DLG4: variants seen among roughly 807,000 people sequenced by gnomAD.
DLG4 encodes discs large MAGUK scaffold protein 4.
In DLG4, 7 loss-of-function variants were observed where a neutral mutation model predicts 93.8. The ratio of observed to expected loss-of-function variants is 0.07; its 90% CI spans 0.04 to 0.14. The LOEUF (loss-of-function observed/expected upper bound fraction) is 0.14. DLG4 is among the 10% of genes least tolerant of loss of function. The pLI is 1.00. For synonymous variants in DLG4, 341 were observed against 387.6 expected (o/e 0.88, Z 1.41); for missense variants, 545 against 992.9 (o/e 0.55, Z 6.06).
At chr17:7,215,525 G>A (rs1045417738) in intron 1 of DLG4, among the ~76,000 whole-genome samples, 1 of 152,204 alleles carries the variant, frequency 6.6e-6, no homozygotes, top group African/African-American at 2.4e-5. Context: ...CTAAGGGCAG[G>A]AGACAGCGGG....
intron 1 of DLG4, among the ~76,000 whole-genome samples, chr17:7,210,513 TGA>T (rs2070664919): frequency 6.6e-6 from 1 of 152,176 alleles, no homozygotes; most frequent in African/African-American, 2.4e-5. Context: ...CCTCCAAGGC[TGA>T]GCTGTCTTGA....
chr17:7,209,433 T>C (rs2070622811), intron 1 of DLG4, among the ~76,000 whole-genome samples: 1 of 151,870 alleles, frequency 6.6e-6, no homozygotes, highest in Non-Finnish European at 1.5e-5. Flanking sequence ...GAAGGTATCA[T>C]ACGCAGGGAT....
At chr17:7,218,404 A>T, upstream of DLG4, 4 of 1,383,820 alleles carry the variant, frequency 2.9e-6, no homozygotes, top group Admixed American at 2.0e-5. Flanking sequence ...GCTGGTCCAC[A>T]CTCATGGAGG....
upstream of DLG4, chr17:7,219,043 G>A: frequency 3.1e-6 from 2 of 640,972 alleles, no homozygotes; most frequent in Non-Finnish European, 5.5e-6. Context: ...CCATAGGCAG[G>A]CAGAACCTAG....
chr17:7,192,898 T>C, intron 17 of DLG4, 47 bp downstream of exon 17: 1 of 1,531,276 alleles, frequency 6.5e-7, no homozygotes, highest in Non-Finnish European at 8.8e-7. Context: ...GGCAGTGGGG[T>C]GGGGAGAGGG....
In DLG4 at chr17:7,196,678, A is replaced by G; in HGVS notation, c.1083+79T>C. 5 of 1,581,548 alleles carry G rather than the reference A, an allele frequency of 3.2e-6. No individual in the cohort carries two copies. The South Asian group carries it at 5.7e-5, about 18-fold the overall frequency. ...CCGCAAGAGGACTCGGCTGCAGCCCATCCAGGCCCCTCCCCAAGAGCTCTG... is the reference window on the plus strand; with the variant it reads ...CCGCAAGAGGACTCGGCTGCAGCCCGTCCAGGCCCCTCCCCAAGAGCTCTG... On this transcript the variant is annotated intron_variant, in intron 9 of 19. Coordinates refer to ENST00000399506, the MANE Select transcript of DLG4 (RefSeq NM_001321075.3). The surrounding 1 kb of genome is among the most constrained non-coding windows in gnomAD (Gnocchi z 8.3).
intron 8 of DLG4, among the ~76,000 whole-genome samples, chr17:7,200,207 A>G (rs904552552): frequency 6.6e-6 from 1 of 152,130 alleles, no homozygotes; most frequent in African/African-American, 2.4e-5. Flanking sequence ...TTTAGTGTCA[A>G]CCTTCCAAGT....
At chr17:7,219,682 A>C, upstream of DLG4, 1 of 1,346,052 alleles carries the variant, frequency 7.4e-7, no homozygotes, top group Non-Finnish European at 9.6e-7. Context: ...CAGTGACTTA[A>C]GCCCCTTCCT....
chr17:7,219,082 G>A (rs1567557907), upstream of DLG4: 4 of 593,098 alleles, frequency 6.7e-6, no homozygotes, highest in Non-Finnish European at 1.2e-5. Context: ...CCAGCAAAGA[G>A]GGCCTCCTCA....
rs3215124 is a variant in DLG4, at chr17:7,196,039, C to CA, written c.1301+180dup. On this transcript the variant is annotated intron_variant, in intron 11 of 19. Transcript: ENST00000399506. This position sits in a 1 kb window ranked among gnomAD's most constrained non-coding sequence, Gnocchi z 8.3. ...GGGGCAGAGGCTATTTTCCCATCGA[C>CA]AGGGAGTATTTCAAATGTTAACCTG... Among the ~76,000 whole-genome samples, 2,724 of 152,310 alleles carry CA rather than the reference C, an allele frequency of 0.018. 101 individuals carry two copies. The highest frequency in any genetic ancestry group is 0.17 in the East Asian group (855 of 5,162).
At chr17:7,207,398 G>A (rs913168045) in intron 2 of DLG4, among the ~76,000 whole-genome samples, 1 of 151,948 alleles carries the variant, frequency 6.6e-6, no homozygotes, top group Non-Finnish European at 1.5e-5. Context: ...AGAGGGGGAA[G>A]AGAACTCAGG....
At chr17:7,217,843 G>A (rs748580499), upstream of DLG4, 5 of 1,532,166 alleles carry the variant, frequency 3.3e-6, no homozygotes, top group South Asian at 3.6e-5. Flanking sequence ...CTTAGAGAAG[G>A]AAGCATCTAT....
Position 7,208,785 on chromosome 17 carries a change from AC to A in DLG4, c.31-547del, listed in dbSNP as rs2070594479. Reference sequence around the variant, plus strand: ...CCTCAGTCTCCCCATTGCAGCCTCTACCCCACAGGTGATTGGCTCTCCTTTA... The same window carrying A: ...CCTCAGTCTCCCCATTGCAGCCTCTACCCACAGGTGATTGGCTCTCCTTTA... On this transcript the variant is annotated intron_variant, in intron 1 of 19. Coordinates refer to ENST00000399506, the MANE Select transcript of DLG4 (RefSeq NM_001321075.3). This position sits in a 1 kb window ranked among gnomAD's most constrained non-coding sequence, Gnocchi z 5.4. Among the ~76,000 whole-genome samples the A allele has an allele frequency of 1.3e-5, 2 of 151,132 alleles. No individual in the cohort carries two copies. The highest frequency in any genetic ancestry group is 4.9e-5 in the African/African-American group (2 of 41,016).
At position 7,188,702 on chromosome 17, in the gene DLG4, G is replaced by A. The variant is rs2069359919; in HGVS notation, c.*2006C>T. Among the ~76,000 whole-genome samples the A allele has an allele frequency of 6.6e-6, 1 of 152,154 alleles. No homozygotes were observed. The highest frequency in any genetic ancestry group is 1.5e-5 in the Non-Finnish European group (1 of 68,036). ...TGCCATGGCTATCAGGAAGCTCAGA[G>A]ATCACATTTACCCTCACAGTTCATA... is the stretch of plus-strand genomic sequence containing the variant. On this transcript the variant is annotated 3_prime_UTR_variant, in exon 20 of 20. Coordinates refer to ENST00000399506, the MANE Select transcript of DLG4 (RefSeq NM_001321075.3).
chr17:7,205,522 C>T (rs912781080), intron 2 of DLG4, among the ~76,000 whole-genome samples: 13 of 152,106 alleles, frequency 8.5e-5, no homozygotes, highest in Non-Finnish European at 8.8e-5. Flanking sequence ...AAAGGGGTCC[C>T]TCCCCTCTCC....
chr17:7,190,961 C>CTAT, intron 19 of DLG4, 147 bp from the exon 20 acceptor site: 2 of 540,564 alleles, frequency 3.7e-6, no homozygotes, highest in Non-Finnish European at 6.2e-6. Context: ...ACAGGGGCAC[C>CTAT]TCTTTTTTTT....
Position 7,191,313 on chromosome 17 carries a change from G to A in DLG4, c.2022C>T (p.Phe674=), listed in dbSNP as rs375597341. 29 of 1,613,848 alleles carry A rather than the reference G, an allele frequency of 1.8e-5. No homozygotes were observed. Among genetic ancestry groups the A allele is most frequent in the East Asian group, 1.3e-4 (6 of 44,896 alleles). The change falls in exon 19 of 20, where the codon TTC becomes TTT. Residue 674 remains phenylalanine, a synonymous_variant. Coordinates refer to ENST00000399506, the MANE Select transcript of DLG4 (RefSeq NM_001321075.3). This position sits in a 1 kb window ranked among gnomAD's most constrained non-coding sequence, Gnocchi z 6.6. Reference sequence around the variant, plus strand: ...CCTGCTCCAGCTTGGTGGCTCTGTCGAAGGCTTTGCGGGCTTGCTCCTCTG... The same window carrying A: ...CCTGCTCCAGCTTGGTGGCTCTGTCAAAGGCTTTGCGGGCTTGCTCCTCTG... The part of the protein sequence containing the change: ...RITEEQARKA[F]DRATKLEQEF...
At chr17:7,199,031 G>GCAAAAA (rs2069970541) in intron 8 of DLG4, among the ~76,000 whole-genome samples, 1 of 151,508 alleles carries the variant, frequency 6.6e-6, no homozygotes, top group East Asian at 2.0e-4. Flanking sequence ...CAAAAAAAAA[G>GCAAAAA]CAAAAACAAA....
rs1002410458 is a variant in DLG4 at position 7,208,749 on chromosome 17, C to A, written c.31-510G>T. On this transcript the variant is annotated intron_variant, in intron 1 of 19. Coordinates refer to ENST00000399506, the MANE Select transcript of DLG4 (RefSeq NM_001321075.3). This position sits in a 1 kb window ranked among gnomAD's most constrained non-coding sequence, Gnocchi z 5.4. The stretch of plus-strand genomic sequence containing the variant: ...TCTGCATGGCATCCTCCCCGCGCCC[C>A]ACCTCCATGGCCTCAGTCTCCCCAT... Among the ~76,000 whole-genome samples the A allele has an allele frequency of 6.6e-6, 1 of 152,092 alleles. No homozygotes were observed. Among genetic ancestry groups the A allele is most frequent in the East Asian group, 1.9e-4 (1 of 5,180 alleles).
Sources: gnomAD v4.1 joint callset for allele counts (sites outside exome capture counted in the v4.1 genomes callset) on GRCh38, gnomAD v4.1.1 for gene constraint, Gnocchi (gnomAD v3.1) non-coding constraint, MANE v1.5 for transcripts, NCBI Gene and HGNC (gene_info 2026-07-23, HGNC 2026-07-21) for gene names.